Variants in CPPED1 observed in about 807,000 individuals in gnomAD.
CPPED1 encodes the protein serine/threonine-protein phosphatase CPPED1.
Under a neutral mutation model 28.0 loss-of-function variants are expected in CPPED1, and 28 were observed. The ratio of observed to expected loss-of-function variants is 1.00; its 90% CI spans 0.74 to 1.37. CPPED1 has a LOEUF of 1.37. Among genes scored for constraint, CPPED1 ranks in the 40% most tolerant of loss-of-function variants. CPPED1 has a pLI of 0.00. For synonymous variants in CPPED1, 198 were observed against 180.2 expected, an observed-to-expected ratio of 1.10 and a Z score of -0.79; for missense variants, 504 against 416.5, an observed-to-expected ratio of 1.21 and a Z score of -1.83.
At chr16:12,802,307 T>C (rs8053874) in intron 1 of CPPED1, among the ~76,000 whole-genome samples, 19,126 of 152,182 alleles carry the variant, frequency 0.13, 1,310 homozygotes, top group Middle Eastern at 0.17. Context: ...TCCATTAAAA[T>C]ACAGTCGTCC....
intron 1 of CPPED1, 151 bp downstream of exon 1, chr16:12,803,556 G>A (rs2080673643): frequency 1.6e-6 from 1 of 619,904 alleles, no homozygotes; most frequent in African/African-American, 2.0e-5. Flanking sequence ...ATCCCTAAGA[G>A]CAGGCTTTGA....
At chr16:12,717,069 T>C (rs1039197972) in intron 2 of CPPED1, among the ~76,000 whole-genome samples, 2 of 152,058 alleles carry the variant, frequency 1.3e-5, no homozygotes, top group African/African-American at 4.8e-5. Flanking sequence ...GGGAGGGGGC[T>C]TTCCTAACCA....
At chr16:12,684,598 G>T (rs751575486) in intron 3 of CPPED1, among the ~76,000 whole-genome samples, 8 of 152,122 alleles carry the variant, frequency 5.3e-5, no homozygotes, top group Admixed American at 2.0e-4. Context: ...CTGCTCATTC[G>T]TTTCCTCCAA....
intron 3 of CPPED1, among the ~76,000 whole-genome samples, chr16:12,691,669 G>A (rs914531851): frequency 9.9e-5 from 15 of 151,954 alleles, no homozygotes; most frequent in Admixed American, 2.6e-4. Context: ...TGTAGGACAC[G>A]GATGAAGCTG....
Position 12,747,505 on chromosome 16 carries a change from T to C in CPPED1, c.289+33680A>G, listed in dbSNP as rs1445555658. ...ATAGAAAAGGAAAAAAATCCCTCTATAGGCACATCATACTGAAAAATCACT... is the reference window on the plus strand; with the variant it reads ...ATAGAAAAGGAAAAAAATCCCTCTACAGGCACATCATACTGAAAAATCACT... On this transcript the variant is annotated intron_variant, in intron 2 of 3. Transcript: ENST00000381774. Among the ~76,000 whole-genome samples, 7 of 152,172 alleles carry C rather than the reference T, an allele frequency of 4.6e-5. No homozygotes were observed. The East Asian group carries it at 9.6e-4, about 21-fold the overall frequency.
chr16:12,737,195 A>T (rs1451190038), intron 2 of CPPED1, among the ~76,000 whole-genome samples: 5 of 151,950 alleles, frequency 3.3e-5, no homozygotes, highest in African/African-American at 9.7e-5. Context: ...GTCTCAAAAA[A>T]ATAATAATAA....
intron 1 of CPPED1, among the ~76,000 whole-genome samples, chr16:12,782,098 G>A (rs576370118): frequency 2.0e-5 from 3 of 152,230 alleles, no homozygotes; most frequent in East Asian, 3.9e-4. Flanking sequence ...TAGGCCACCT[G>A]AAATCATTCT....
chr16:12,712,213 A>C (rs942008327), intron 2 of CPPED1, among the ~76,000 whole-genome samples: 1 of 152,170 alleles, frequency 6.6e-6, no homozygotes, highest in Non-Finnish European at 1.5e-5. Context: ...AAGGACAAGA[A>C]TTTCCAGAGA....
At chr16:12,681,115 C>T (rs1276643226) in intron 3 of CPPED1, among the ~76,000 whole-genome samples, 1 of 150,910 alleles carries the variant, frequency 6.6e-6, no homozygotes, top group Admixed American at 6.6e-5. Flanking sequence ...AGGATTCCTC[C>T]CCCGACCCCC....
At chr16:12,759,125 T>G (rs932041263) in intron 2 of CPPED1, among the ~76,000 whole-genome samples, 1 of 131,112 alleles carries the variant, frequency 7.6e-6, no homozygotes, top group African/African-American at 2.9e-5. Flanking sequence ...ATCACACCAC[T>G]GCACTCCAGC....
chr16:12,665,109 T>C lies in CPPED1; in HGVS notation c.722A>G (p.Lys241Arg), dbSNP rs1713480. The C allele has an allele frequency of 0.91, 1,451,672 of 1,593,592 alleles. 668,449 individuals are homozygous for C. The highest frequency in any genetic ancestry group is 0.95 in the Non-Finnish European group (1,117,920 of 1,174,246). ...LADKFIHAGV[K>R]VVFSGHYHRN... ...GTGGTAGTGGCCTGAGAACACGACT[T>C]TGACACCTGCAGAGAAGGGAAAAAG... Residue 241 changes from lysine (K) to arginine (R), a missense_variant, in exon 4 of 4, where the codon AAA (lysine) becomes AGA (arginine). By Grantham distance (26) the Lys-to-Arg change is conservative. Transcript: ENST00000381774.
intron 2 of CPPED1, among the ~76,000 whole-genome samples, chr16:12,705,745 C>T (rs969154471): frequency 1.3e-5 from 2 of 152,240 alleles, no homozygotes; most frequent in Admixed American, 6.5e-5. Context: ...GCAACAAGAG[C>T]GAATCTCTGC....
intron 2 of CPPED1, among the ~76,000 whole-genome samples, chr16:12,719,187 C>T (rs1022530754): frequency 2.6e-5 from 4 of 152,050 alleles, no homozygotes; most frequent in Non-Finnish European, 5.9e-5. Context: ...GTCAGGAGAT[C>T]GAGACCATCC....
At chr16:12,795,017 C>CA (rs2080618472) in intron 1 of CPPED1, among the ~76,000 whole-genome samples, 1 of 152,242 alleles carries the variant, frequency 6.6e-6, no homozygotes, top group African/African-American at 2.4e-5. Flanking sequence ...GAACCTCTCT[C>CA]ACTTTTCAAG....
At chr16:12,719,292 G>A (rs1054863718) in intron 2 of CPPED1, among the ~76,000 whole-genome samples, 7 of 151,842 alleles carry the variant, frequency 4.6e-5, no homozygotes, top group Non-Finnish European at 7.4e-5. Context: ...TCGGGAAGCT[G>A]AGGCAGGAGA....
intron 3 of CPPED1, among the ~76,000 whole-genome samples, chr16:12,698,913 A>C (rs940909052): frequency 1.2e-4 from 19 of 152,324 alleles, no homozygotes; most frequent in African/African-American, 4.3e-4. Flanking sequence ...TGGGCTCTCT[A>C]ACACACAGTT....
Position 12,661,411 on chromosome 16 carries a change from C to A in CPPED1, c.*3475G>T, listed in dbSNP as rs1391381295. The stretch of plus-strand genomic sequence containing the variant: ...AAGCTTACTACATTTTTTCCCCATT[C>A]TCCCCAAACTTAGGAGAAACTTGAC... On this transcript the variant is annotated 3_prime_UTR_variant, in exon 4 of 4. Transcript: ENST00000381774. 1.3e-5 allele frequency: 2 copies of A among 152,136 alleles called. No homozygotes were observed. Among genetic ancestry groups the A allele is most frequent in the Non-Finnish European group, 2.9e-5 (2 of 68,032 alleles). The allele number at this position is 152,136 out of a possible 1,614,324, so 9.4% of individuals were successfully genotyped here.
chr16:12,766,248 T>TAC (rs1158592540), intron 2 of CPPED1, among the ~76,000 whole-genome samples: 1 of 130,352 alleles, frequency 7.7e-6, no homozygotes, highest in East Asian at 2.0e-4. Context: ...TACAAATATA[T>TAC]ATATATATAG....
At chr16:12,740,569 A>G (rs770188929) in intron 2 of CPPED1, among the ~76,000 whole-genome samples, 1 of 152,104 alleles carries the variant, frequency 6.6e-6, no homozygotes, top group Non-Finnish European at 1.5e-5. Flanking sequence ...GGGGATGAGG[A>G]CAATAGAAGG....
Sources: gnomAD v4.1 joint callset for allele counts (sites outside exome capture counted in the v4.1 genomes callset) on GRCh38, gnomAD v4.1.1 for gene constraint, MANE v1.5 for transcripts, NCBI Gene and HGNC (gene_info 2026-07-23, HGNC 2026-07-21) for gene names.